NRXN1: variants seen among roughly 807,000 people sequenced by gnomAD.
NRXN1 encodes neurexin 1, also known as neurexin-1.
Under a neutral mutation model 150.9 loss-of-function variants are expected in NRXN1, and 39 were observed. The observed-to-expected ratio is 0.26, with a 90% confidence interval of 0.20 to 0.34. NRXN1 has a LOEUF of 0.34. NRXN1 is among the 10% of genes least tolerant of loss of function. The pLI, the probability that NRXN1 is intolerant of heterozygous loss-of-function variation, is 1.00. For missense variants in NRXN1, 1,815 were observed against 1,949.9 expected (o/e 0.93, Z 1.30); for synonymous variants, 924 against 757.0 (o/e 1.22, Z -3.62).
At chr2:50,825,552 T>C (rs1302859154) in intron 5 of NRXN1, among the ~76,000 whole-genome samples, 5 of 152,206 alleles carry the variant, frequency 3.3e-5, no homozygotes, top group African/African-American at 1.2e-4. Flanking sequence ...GCTGAACATG[T>C]GGAGGATCCC....
chr2:50,967,265 T>G (rs1441522615), intron 2 of NRXN1, among the ~76,000 whole-genome samples: 1 of 151,970 alleles, frequency 6.6e-6, no homozygotes, highest in East Asian at 1.9e-4. Context: ...CAATATAGAT[T>G]TATATGAATT....
intron 9 of NRXN1, among the ~76,000 whole-genome samples, chr2:50,539,670 C>A (rs1359263950): frequency 1.3e-5 from 2 of 152,148 alleles, no homozygotes; most frequent in African/African-American, 2.4e-5. Flanking sequence ...CACAAGGACC[C>A]ACAACCACAT....
chr2:50,707,874 C>G (rs1010103217), intron 5 of NRXN1, among the ~76,000 whole-genome samples: 17 of 152,152 alleles, frequency 1.1e-4, no homozygotes, highest in African/African-American at 4.1e-4. Context: ...AGTATATTAA[C>G]AGTGTTTACA....
intron 5 of NRXN1, among the ~76,000 whole-genome samples, chr2:50,758,895 T>C (rs1334869694): frequency 6.6e-6 from 1 of 151,918 alleles, no homozygotes; most frequent in Admixed American, 6.6e-5. Flanking sequence ...CAAGGCAATT[T>C]GGAGCAAATC....
intron 12 of NRXN1, among the ~76,000 whole-genome samples, chr2:50,524,870 G>GA (rs199966817): frequency 5.9e-5 from 9 of 151,790 alleles, no homozygotes; most frequent in South Asian, 2.1e-4. Context: ...CAAATTTTCA[G>GA]AAAAAAAATA....
intron 2 of NRXN1, among the ~76,000 whole-genome samples, chr2:50,994,675 T>G (rs540535785): frequency 2.0e-5 from 3 of 152,156 alleles, no homozygotes; most frequent in African/African-American, 7.2e-5. Flanking sequence ...AAATGTTCAA[T>G]AAATATTAAC....
chr2:50,970,144 G>T (rs1694775710), intron 2 of NRXN1, among the ~76,000 whole-genome samples: 1 of 152,104 alleles, frequency 6.6e-6, no homozygotes, highest in Non-Finnish European at 1.5e-5. Flanking sequence ...TTTTTACACA[G>T]AAAGGTGGAG....
chr2:51,000,415 A>G (rs1278458644), intron 2 of NRXN1, among the ~76,000 whole-genome samples: 1 of 152,012 alleles, frequency 6.6e-6, no homozygotes, highest in African/African-American at 2.4e-5. Flanking sequence ...GGCTTCCACT[A>G]TACAAGGCTC....
intron 5 of NRXN1, among the ~76,000 whole-genome samples, chr2:50,727,567 A>T (rs192572256): frequency 6.6e-6 from 1 of 152,186 alleles, no homozygotes; most frequent in South Asian, 2.1e-4. Flanking sequence ...ATCACTCTTT[A>T]TATTTTAAAA....
chr2:50,596,743 C>T (rs989756609), intron 8 of NRXN1, among the ~76,000 whole-genome samples: 1 of 152,110 alleles, frequency 6.6e-6, no homozygotes. Flanking sequence ...GGCTTGACAG[C>T]CTTCAGGAGC....
At chr2:50,080,901 T>A (rs1398180926) in intron 19 of NRXN1, among the ~76,000 whole-genome samples, 1 of 152,176 alleles carries the variant, frequency 6.6e-6, no homozygotes, top group Non-Finnish European at 1.5e-5. Flanking sequence ...TCCTCATATG[T>A]TCATTACACA....
Position 50,274,769 on chromosome 2 carries a change from G to A in NRXN1, c.3365-37799C>T, listed in dbSNP as rs540643331. On this transcript the variant is annotated intron_variant, in intron 17 of 22. Transcript: ENST00000401669. ...ATGTTAACAAATTATAGTCAAAAAT[G>A]CCTTTCAACTACTTAAAAAAAAACC... 5.3e-5 allele frequency among the ~76,000 whole-genome samples: 8 copies of A among 151,544 alleles called. No homozygotes were observed. In the South Asian group the frequency reaches 1.7e-3, roughly 32 times the overall value.
chr2:50,419,921 C>T (rs1168342319), intron 17 of NRXN1, among the ~76,000 whole-genome samples: 2 of 152,056 alleles, frequency 1.3e-5, no homozygotes, highest in Non-Finnish European at 2.9e-5. Context: ...GCTAATGCTT[C>T]TGCATCCCAC....
intron 5 of NRXN1, among the ~76,000 whole-genome samples, chr2:50,859,337 C>A (rs1325185823): frequency 6.6e-6 from 1 of 151,832 alleles, no homozygotes; most frequent in Non-Finnish European, 1.5e-5. Flanking sequence ...TGCACAGAAG[C>A]CAGATTTGGC....
chr2:50,143,930 AT>A (rs1707644964), intron 18 of NRXN1, among the ~76,000 whole-genome samples: 2 of 151,944 alleles, frequency 1.3e-5, no homozygotes, highest in African/African-American at 4.8e-5. Flanking sequence ...CTAAAAAAAA[AT>A]TTTAACATTC....
chr2:50,081,941 C>T (rs370730088), intron 19 of NRXN1, among the ~76,000 whole-genome samples: 22 of 151,736 alleles, frequency 1.4e-4, no homozygotes, highest in South Asian at 4.3e-4. Flanking sequence ...AACAAAGATA[C>T]TTTTAGGTAA....
chr2:50,769,488 G>A (rs1338211612), intron 5 of NRXN1, among the ~76,000 whole-genome samples: 1 of 152,080 alleles, frequency 6.6e-6, no homozygotes, highest in Non-Finnish European at 1.5e-5. Context: ...ACAGGTTAGA[G>A]GAGGTTTAAA....
rs111966571 is a variant in NRXN1 at position 51,019,457 on chromosome 2, G to T, written c.772+8045C>A. 7.4e-3 allele frequency among the ~76,000 whole-genome samples: 1,118 copies of T among 152,050 alleles called. 19 individuals carry two copies. The highest frequency in any genetic ancestry group is 0.024 in the African/African-American group (988 of 41,492). On this transcript the variant is annotated intron_variant, in intron 2 of 22. Coordinates refer to ENST00000401669, the MANE Select transcript of NRXN1 (RefSeq NM_001330078.2). Reference sequence around the variant, plus strand: ...TTTAAATTATTCTCAACTTCAAGAGGTGCTTATGACCTTACCTTTAAGGAG... The same window carrying T: ...TTTAAATTATTCTCAACTTCAAGAGTTGCTTATGACCTTACCTTTAAGGAG...
chr2:50,160,859 T>G (rs979610574), intron 18 of NRXN1, among the ~76,000 whole-genome samples: 1 of 152,172 alleles, frequency 6.6e-6, no homozygotes, highest in African/African-American at 2.4e-5. Flanking sequence ...AGTGTGAGAT[T>G]ATTTCCTGGG....
Sources: gnomAD v4.1 joint callset for allele counts (sites outside exome capture counted in the v4.1 genomes callset) on GRCh38, gnomAD v4.1.1 for gene constraint, MANE v1.5 for transcripts, NCBI Gene and HGNC (gene_info 2026-07-23, HGNC 2026-07-21) for gene names.